The following NAALADL2 variants were observed in gnomAD, a reference collection of about 807,000 sequenced individuals.
NAALADL2 encodes N-acetylated alpha-linked acidic dipeptidase like 2.
In NAALADL2, 76 loss-of-function variants were observed where a neutral mutation model predicts 87.2. That is an observed-to-expected ratio of 0.87 (90% confidence interval 0.72 to 1.05). The LOEUF (loss-of-function observed/expected upper bound fraction) is 1.05. NAALADL2 is among the 50% of genes least tolerant of loss of function. The probability of loss-of-function intolerance (pLI) is 0.00; values close to 1 mark genes in which losing one functional copy is unlikely to be tolerated. For missense variants in NAALADL2, 1,089 were observed against 945.8 expected (o/e 1.15, Z -1.99); for synonymous variants, 354 against 331.0 (o/e 1.07, Z -0.75).
intron 11 of NAALADL2, among the ~76,000 whole-genome samples, chr3:175,635,687 A>C (rs2149741196): frequency 6.6e-6 from 1 of 152,090 alleles, no homozygotes; most frequent in Non-Finnish European, 1.5e-5. Context: ...TCTGTCAATA[A>C]GTTGAAAGTG....
intron 11 of NAALADL2, among the ~76,000 whole-genome samples, chr3:175,724,964 C>A (rs1165083966): frequency 6.6e-6 from 1 of 151,836 alleles, no homozygotes; most frequent in East Asian, 1.9e-4. Context: ...TGATTGCTTT[C>A]ATTTATTACC....
At chr3:174,862,038 G>A (rs867411299) in intron 1 of NAALADL2, among the ~76,000 whole-genome samples, 1 of 151,994 alleles carries the variant, frequency 6.6e-6, no homozygotes, top group African/African-American at 2.4e-5. Context: ...GCGGAGAATT[G>A]TGTAAAGCTA....
At chr3:175,276,610 G>A (rs1317138355) in intron 4 of NAALADL2, among the ~76,000 whole-genome samples, 1 of 151,986 alleles carries the variant, frequency 6.6e-6, no homozygotes, top group African/African-American at 2.4e-5. Flanking sequence ...GCCTGCAAAT[G>A]TATTTCTAAC....
At chr3:174,870,355 T>G (rs537313259) in intron 1 of NAALADL2, among the ~76,000 whole-genome samples, 4 of 152,166 alleles carry the variant, frequency 2.6e-5, no homozygotes, top group Non-Finnish European at 5.9e-5. Context: ...AATGGTATAT[T>G]CTGTGTAACA....
chr3:175,017,973 G>A (rs186000719), intron 1 of NAALADL2, among the ~76,000 whole-genome samples: 6 of 152,102 alleles, frequency 3.9e-5, no homozygotes, highest in Non-Finnish European at 8.8e-5. Context: ...ATGAAAGGTG[G>A]TGCTGCAACC....
At chr3:175,320,871 G>C (rs1006564071) in intron 4 of NAALADL2, among the ~76,000 whole-genome samples, 6 of 148,734 alleles carry the variant, frequency 4.0e-5, no homozygotes, top group African/African-American at 1.5e-4. Flanking sequence ...AAGAGTCCAG[G>C]ACCAGATGGA....
chr3:174,828,037 C>A (rs1722194793), intron 3 of NAALADL2, among the ~76,000 whole-genome samples: 1 of 151,996 alleles, frequency 6.6e-6, no homozygotes, highest in South Asian at 2.1e-4. Flanking sequence ...TAAAAATTAG[C>A]CAGGCATGGT....
rs1413402496 is a variant in NAALADL2 at position 175,346,208 on chromosome 3, A to C, written c.1090+21883A>C. On this transcript the variant is annotated intron_variant, in intron 5 of 13. Transcript: ENST00000454872. ...CAGTATACAAAAATATGAATAAAAG[A>C]AGCCTTCTGAAATTCTGCCACACAG... Among the ~76,000 whole-genome samples the C allele has an allele frequency of 5.3e-5, 8 of 152,272 alleles. No homozygotes were observed. In the East Asian group the frequency reaches 7.7e-4, roughly 15 times the overall value.
chr3:175,546,748 T>C (rs567202694), intron 9 of NAALADL2, among the ~76,000 whole-genome samples: 1 of 152,186 alleles, frequency 6.6e-6, no homozygotes, highest in South Asian at 2.1e-4. Flanking sequence ...TTAGTCTGAT[T>C]GGCTTCCCTT....
At chr3:175,585,628 A>C (rs1720438071) in intron 10 of NAALADL2, among the ~76,000 whole-genome samples, 1 of 152,150 alleles carries the variant, frequency 6.6e-6, no homozygotes, top group South Asian at 2.1e-4. Flanking sequence ...ATGCATCCAA[A>C]AGTTTACATT....
chr3:174,465,634 C>T (rs1360522238), intron 1 of NAALADL2, among the ~76,000 whole-genome samples: 2 of 152,112 alleles, frequency 1.3e-5, no homozygotes, highest in Admixed American at 6.5e-5. Flanking sequence ...GATGTTTGAA[C>T]TACAGCATAG....
chr3:175,578,420 G>A (rs983169865), intron 10 of NAALADL2, among the ~76,000 whole-genome samples: 10 of 151,998 alleles, frequency 6.6e-5, no homozygotes, highest in Non-Finnish European at 1.2e-4. Flanking sequence ...GTGACAGAGT[G>A]AGACACTATC....
chr3:175,024,610 A>T (rs1004222769), intron 1 of NAALADL2, among the ~76,000 whole-genome samples: 1 of 152,154 alleles, frequency 6.6e-6, no homozygotes, highest in South Asian at 2.1e-4. Context: ...TTAGAATATT[A>T]TTGTATGCAT....
At chr3:174,931,018 A>G (rs891001173) in intron 1 of NAALADL2, among the ~76,000 whole-genome samples, 2 of 151,976 alleles carry the variant, frequency 1.3e-5, no homozygotes, top group Admixed American at 6.6e-5. Flanking sequence ...ACATACTATC[A>G]GGTTCTTGAT....
At chr3:174,487,098 G>A (rs1454131870) in intron 1 of NAALADL2, among the ~76,000 whole-genome samples, 2 of 151,966 alleles carry the variant, frequency 1.3e-5, no homozygotes, top group African/African-American at 4.8e-5. Context: ...AGCTGTTGGT[G>A]GCTGTGTCTC....
intron 1 of NAALADL2, among the ~76,000 whole-genome samples, chr3:174,530,376 T>A (rs541218063): frequency 1.3e-5 from 2 of 152,238 alleles, no homozygotes; most frequent in African/African-American, 4.8e-5. Flanking sequence ...GCCATTCAAG[T>A]CTCTAGGGAG....
intron 4 of NAALADL2, among the ~76,000 whole-genome samples, chr3:175,301,753 A>G (rs1049873170): frequency 6.6e-6 from 1 of 152,234 alleles, no homozygotes; most frequent in African/African-American, 2.4e-5. Flanking sequence ...AGAATGGAAT[A>G]TATCTCTAAA....
At chr3:175,674,571 G>GTT (rs1734505860) in intron 11 of NAALADL2, among the ~76,000 whole-genome samples, 1 of 151,942 alleles carries the variant, frequency 6.6e-6, no homozygotes, top group Admixed American at 6.6e-5. Context: ...GCGACAGTTT[G>GTT]TTTTTAAAAT....
chr3:174,870,673 A>G (rs1490140376), intron 1 of NAALADL2, among the ~76,000 whole-genome samples: 1 of 152,134 alleles, frequency 6.6e-6, no homozygotes, highest in African/African-American at 2.4e-5. Flanking sequence ...ATCTGAATCA[A>G]TTGTTTCTTG....
Sources: gnomAD v4.1 joint callset for allele counts (sites outside exome capture counted in the v4.1 genomes callset) on GRCh38, gnomAD v4.1.1 for gene constraint, MANE v1.5 for transcripts, NCBI Gene and HGNC (gene_info 2026-07-23, HGNC 2026-07-21) for gene names.